RAP1GAP2: variants seen among roughly 807,000 people sequenced by gnomAD.
RAP1GAP2 encodes RAP1 GTPase activating protein 2, also known as rap1 GTPase-activating protein 2.
RAP1GAP2 carries 27 observed loss-of-function variants against 95.0 expected under a neutral mutation model. The observed-to-expected ratio is 0.28, with a 90% CI of 0.21 to 0.39. RAP1GAP2 has a LOEUF of 0.39. Among genes scored for constraint, RAP1GAP2 ranks in the 10% least tolerant of loss-of-function variants. The probability of loss-of-function intolerance (pLI) is 1.00; values close to 1 mark genes in which losing one functional copy is unlikely to be tolerated. For missense variants in RAP1GAP2, 771 were observed against 970.0 expected (o/e 0.79, Z 2.72); for synonymous variants, 373 against 380.9 (o/e 0.98, Z 0.24).
At position 2,991,308 on chromosome 17, in the gene RAP1GAP2, G is replaced by A. The variant is rs2045743081; in HGVS notation, c.825G>A (p.Glu275=). Residue 275 remains glutamate, a synonymous_variant, in exon 12 of 25, where the codon GAG becomes GAA. Transcript: ENST00000254695. ...IYQKARQTLE[E]ELFGNNEESP... is the part of the protein sequence containing the mutation. The stretch of plus-strand genomic sequence containing the variant: ...TGTTTCTCTTTCAGACCCTGGAGGA[G>A]GAGCTATTTGGGAACAATGAGGAGA... 1 of 1,601,738 alleles carries A rather than the reference G, an allele frequency of 6.2e-7. No individual in the cohort carries two copies. The highest frequency in any genetic ancestry group is 8.5e-7 in the Non-Finnish European group (1 of 1,173,614).
chr17:2,898,665 C>T (rs1379330115), intron 2 of RAP1GAP2, among the ~76,000 whole-genome samples: 2 of 152,188 alleles, frequency 1.3e-5, no homozygotes, highest in Admixed American at 6.5e-5. Context: ...GATGTCCCTG[C>T]CCCCGTCCAC....
chr17:2,802,252 G>A (rs2069332138), intron 2 of RAP1GAP2, among the ~76,000 whole-genome samples: 2 of 152,144 alleles, frequency 1.3e-5, no homozygotes, highest in South Asian at 4.1e-4. Flanking sequence ...AGGTCCCTGG[G>A]CAAAGTACGG....
chr17:2,874,533 T>C (rs1178317859), intron 2 of RAP1GAP2, among the ~76,000 whole-genome samples: 1 of 152,102 alleles, frequency 6.6e-6, no homozygotes, highest in Non-Finnish European at 1.5e-5. Flanking sequence ...ATTCAGTGTA[T>C]GTGCATAAGA....
intron 1 of RAP1GAP2, among the ~76,000 whole-genome samples, chr17:2,785,788 G>A (rs998523281): frequency 6.6e-6 from 1 of 151,912 alleles, no homozygotes; most frequent in Non-Finnish European, 1.5e-5. Context: ...TCTGTGGCTC[G>A]TCCTGCTACA....
At chr17:2,928,168 A>G (rs560445488) in intron 3 of RAP1GAP2, among the ~76,000 whole-genome samples, 1 of 152,260 alleles carries the variant, frequency 6.6e-6, no homozygotes, top group South Asian at 2.1e-4. Flanking sequence ...GACTTGCCCA[A>G]TTTTACTTGA....
chr17:2,769,946 A>G (rs150323717), intron 1 of RAP1GAP2, among the ~76,000 whole-genome samples: 149 of 151,264 alleles, frequency 9.9e-4, no homozygotes, highest in African/African-American at 3.5e-3. Flanking sequence ...GGTGGTGGGC[A>G]CCTGTAATCC....
chr17:2,918,701 G>C (rs114539017), intron 3 of RAP1GAP2, among the ~76,000 whole-genome samples: 3,333 of 152,140 alleles, frequency 0.022, 121 homozygotes, highest in African/African-American at 0.075. Context: ...TGGTGGTAAA[G>C]CATTCATGAG....
rs902455523 is a variant in RAP1GAP2, at chr17:2,906,633, T to C, written c.165+1265T>C. On this transcript the variant is annotated intron_variant, in intron 3 of 24. Transcript: ENST00000254695. This position sits in a 1 kb window ranked among gnomAD's most constrained non-coding sequence, Gnocchi z 4.3. ...TGAGCCGGGTGCTGGGCCAGCTCTT[T>C]GCACAGGGTAATGCTAAGAAGCCTG... Among the ~76,000 whole-genome samples, 2 of 152,046 alleles carry C rather than the reference T, an allele frequency of 1.3e-5. No individual in the cohort carries two copies. Among genetic ancestry groups the C allele is most frequent in the Non-Finnish European group, 2.9e-5 (2 of 67,998 alleles).
intron 2 of RAP1GAP2, among the ~76,000 whole-genome samples, chr17:2,854,696 T>C (rs2072057158): frequency 6.6e-6 from 1 of 152,252 alleles, no homozygotes; most frequent in Non-Finnish European, 1.5e-5. Flanking sequence ...AGAGACATTT[T>C]GGACGACCTG....
chr17:2,842,265 G>A (rs2151572781), intron 2 of RAP1GAP2, among the ~76,000 whole-genome samples: 1 of 152,180 alleles, frequency 6.6e-6, no homozygotes, highest in African/African-American at 2.4e-5. Context: ...GGCTAGCCAG[G>A]TGTGTGGTGG....
intron 3 of RAP1GAP2, among the ~76,000 whole-genome samples, chr17:2,927,345 G>T (rs965012825): frequency 2.0e-5 from 3 of 151,342 alleles, no homozygotes; most frequent in Admixed American, 6.6e-5. Flanking sequence ...AGTAGAGACG[G>T]GGTTTCACCG....
Position 2,857,121 on chromosome 17 carries a change from A to G in RAP1GAP2, c.81-48163A>G, listed in dbSNP as rs1024639238. Among the ~76,000 whole-genome samples, 2 of 152,116 alleles carry G rather than the reference A, an allele frequency of 1.3e-5. No individual in the cohort carries two copies. Among genetic ancestry groups the G allele is most frequent in the Admixed American group, 1.3e-4 (2 of 15,270 alleles). ...TCTTCCTTCCACCACCTCTCATCAC[A>G]AGGTGGGGTCAGGCTCAGGCCCCTT... is the stretch of plus-strand genomic sequence containing the variant. On this transcript the variant is annotated intron_variant, in intron 2 of 24. Transcript: ENST00000254695. This position sits in a 1 kb window ranked among gnomAD's most constrained non-coding sequence, Gnocchi z 4.0.
Position 2,857,470 on chromosome 17 carries a change from C to T in RAP1GAP2, c.81-47814C>T, listed in dbSNP as rs527347932. Among the ~76,000 whole-genome samples the T allele has an allele frequency of 4.0e-3, 612 of 152,298 alleles. 7 individuals carry two copies. Among genetic ancestry groups the T allele is most frequent in the African/African-American group, 0.014 (568 of 41,568 alleles). On this transcript the variant is annotated intron_variant, in intron 2 of 24. Transcript: ENST00000254695. The surrounding 1 kb of genome is among the most constrained non-coding windows in gnomAD (Gnocchi z 4.0). ...AGGCTCCAACTTCAATTTCCGTTTT[C>T]GAGAAATGGGCGTGGTGATCATCAT... is the stretch of plus-strand genomic sequence containing the variant.
chr17:2,984,776 A>G (rs2045496443), intron 10 of RAP1GAP2, among the ~76,000 whole-genome samples: 1 of 152,076 alleles, frequency 6.6e-6, no homozygotes, highest in Non-Finnish European at 1.5e-5. Flanking sequence ...CCTACTGGGG[A>G]AGCCCAAGTT....
At chr17:2,787,281 T>C (rs1351500103) in intron 1 of RAP1GAP2, among the ~76,000 whole-genome samples, 1 of 150,844 alleles carries the variant, frequency 6.6e-6, no homozygotes, top group East Asian at 1.9e-4. Flanking sequence ...TTTTTTTTTT[T>C]CGAGACAGAG....
intron 19 of RAP1GAP2, 135 bp downstream of exon 19, chr17:3,020,730 A>T: frequency 1.4e-6 from 1 of 719,214 alleles, no homozygotes; most frequent in East Asian, 2.7e-5. Context: ...GCCTTCAGGC[A>T]CCTGTGTGTC....
chr17:2,984,880 A>G, intron 10 of RAP1GAP2, 103 bp from the exon 11 acceptor site: 6 of 1,548,092 alleles, frequency 3.9e-6, no homozygotes, highest in Middle Eastern at 3.5e-4. Flanking sequence ...CATACCAGGG[A>G]ACACATTCTC....
chr17:3,015,995 G>T (rs1159762677), intron 17 of RAP1GAP2, among the ~76,000 whole-genome samples: 1 of 152,162 alleles, frequency 6.6e-6, no homozygotes, highest in Non-Finnish European at 1.5e-5. Flanking sequence ...GCTTTCTGAA[G>T]CTGGAGTTCT....
chr17:2,815,868 A>G (rs980847510), intron 2 of RAP1GAP2, among the ~76,000 whole-genome samples: 3 of 152,226 alleles, frequency 2.0e-5, no homozygotes, highest in Non-Finnish European at 4.4e-5. Flanking sequence ...AGGCGTACCT[A>G]CGCAGGCACA....
Sources: allele counts gnomAD v4.1 joint callset (sites outside exome capture counted in the v4.1 genomes callset), GRCh38; gene constraint gnomAD v4.1.1; non-coding constraint Gnocchi (gnomAD v3.1); transcripts MANE v1.5; gene names NCBI Gene and HGNC (gene_info 2026-07-23, HGNC 2026-07-21).